Variants in VAT1L observed in about 807,000 individuals in gnomAD.
VAT1L encodes vesicle amine transport 1 like.
In VAT1L, 34 loss-of-function variants were observed where a neutral mutation model predicts 44.1. That is an observed-to-expected ratio of 0.77 (90% confidence interval 0.59 to 1.03). The LOEUF is 1.03. VAT1L is among the 50% of genes least tolerant of loss of function. The pLI, the probability that VAT1L is intolerant of heterozygous loss-of-function variation, is 0.00. For missense variants in VAT1L, 615 were observed against 538.8 expected (o/e 1.14, Z -1.40); for synonymous variants, 253 against 202.2 (o/e 1.25, Z -2.13).
intron 1 of VAT1L, among the ~76,000 whole-genome samples, chr16:77,793,102 A>C (rs568714969): frequency 6.6e-6 from 1 of 152,256 alleles, no homozygotes; most frequent in Non-Finnish European, 1.5e-5. Flanking sequence ...TATATAGTTT[A>C]TTATTCAAAC....
chr16:77,811,674 A>G (rs916185719), intron 1 of VAT1L, among the ~76,000 whole-genome samples: 2 of 152,212 alleles, frequency 1.3e-5, no homozygotes, highest in African/African-American at 4.8e-5. Context: ...TAGCAGTATC[A>G]TCACGGGAGC....
chr16:77,837,058 C>T (rs1240342142), intron 3 of VAT1L, among the ~76,000 whole-genome samples: 1 of 152,128 alleles, frequency 6.6e-6, no homozygotes, highest in Non-Finnish European at 1.5e-5. Flanking sequence ...GGCATGTGCA[C>T]TCTCTTTGAA....
At chr16:77,860,961 CCTTA>C (rs2016909066) in intron 3 of VAT1L, among the ~76,000 whole-genome samples, 1 of 152,156 alleles carries the variant, frequency 6.6e-6, no homozygotes, top group Non-Finnish European at 1.5e-5. Flanking sequence ...AACCAGGAGA[CCTTA>C]CTTTGAATCC....
intron 7 of VAT1L, among the ~76,000 whole-genome samples, chr16:77,942,559 C>A (rs944720745): frequency 2.6e-5 from 4 of 152,156 alleles, no homozygotes; most frequent in African/African-American, 9.7e-5. Context: ...GAAATTGCCA[C>A]ACTGCCTTTG....
At chr16:77,916,633 A>G (rs1294565883) in intron 7 of VAT1L, among the ~76,000 whole-genome samples, 1 of 152,184 alleles carries the variant, frequency 6.6e-6, no homozygotes, top group Non-Finnish European at 1.5e-5. Flanking sequence ...CGTTAAAAAT[A>G]TACATAAGAG....
chr16:77,918,942 C>CTG (rs2017581182), intron 7 of VAT1L, among the ~76,000 whole-genome samples: 1 of 152,096 alleles, frequency 6.6e-6, no homozygotes, highest in Non-Finnish European at 1.5e-5. Flanking sequence ...TTAAGTTGCT[C>CTG]AGGAAGCAGG....
At chr16:77,885,712 G>A (rs1464242826) in intron 7 of VAT1L, among the ~76,000 whole-genome samples, 2 of 151,956 alleles carry the variant, frequency 1.3e-5, no homozygotes, top group African/African-American at 4.8e-5. Flanking sequence ...ACTTTTGCAA[G>A]TCACAAATAC....
intron 5 of VAT1L, 21 bp downstream of exon 5, chr16:77,876,494 G>A: frequency 1.2e-6 from 2 of 1,608,976 alleles, no homozygotes; most frequent in African/African-American, 2.7e-5. Flanking sequence ...AACAGCAGCA[G>A]GGACGTGGTC....
chr16:77,808,517 C>T (rs941184672), intron 1 of VAT1L, among the ~76,000 whole-genome samples: 2 of 152,118 alleles, frequency 1.3e-5, no homozygotes, highest in Admixed American at 1.3e-4. Context: ...TTAAACTGGT[C>T]CCTGGTGCCA....
chr16:77,873,802 G>A (rs531841310), intron 4 of VAT1L, among the ~76,000 whole-genome samples: 57 of 152,294 alleles, frequency 3.7e-4, no homozygotes, highest in Middle Eastern at 6.8e-3. Context: ...CCAGCTCTAA[G>A]GAGAGCAGGG....
At chr16:77,789,198 G>C (rs1322512220) in intron 1 of VAT1L, among the ~76,000 whole-genome samples, 2 of 152,152 alleles carry the variant, frequency 1.3e-5, no homozygotes, top group Non-Finnish European at 2.9e-5. Context: ...ATTGCGCTAC[G>C]GGAGTTCTCC....
At chr16:77,829,692 T>G (rs985150165) in intron 3 of VAT1L, among the ~76,000 whole-genome samples, 2 of 152,240 alleles carry the variant, frequency 1.3e-5, no homozygotes, top group African/African-American at 2.4e-5. Flanking sequence ...GAGACTCATG[T>G]TGGGCCTCGA....
intron 7 of VAT1L, among the ~76,000 whole-genome samples, chr16:77,948,042 G>A (rs1332137187): frequency 2.0e-5 from 3 of 152,160 alleles, no homozygotes; most frequent in Non-Finnish European, 4.4e-5. Context: ...TTACAGGTGT[G>A]TACCACCGCG....
At chr16:77,936,212 T>A (rs1315869279) in intron 7 of VAT1L, among the ~76,000 whole-genome samples, 2 of 152,166 alleles carry the variant, frequency 1.3e-5, no homozygotes, top group Non-Finnish European at 2.9e-5. Flanking sequence ...CTGGTTATGT[T>A]ACTATACTGA....
At chr16:77,926,511 G>A (rs899490058) in intron 7 of VAT1L, among the ~76,000 whole-genome samples, 2 of 152,026 alleles carry the variant, frequency 1.3e-5, no homozygotes, top group Non-Finnish European at 2.9e-5. Context: ...TTGAACCTGG[G>A]AGGCAGAGGT....
chr16:77,949,522 G>A (rs995439079), intron 7 of VAT1L, among the ~76,000 whole-genome samples: 1 of 152,204 alleles, frequency 6.6e-6, no homozygotes, highest in African/African-American at 2.4e-5. Context: ...TCATAGGAGT[G>A]GATTCCACAT....
chr16:77,975,185 G>A (rs1055642656), intron 8 of VAT1L, among the ~76,000 whole-genome samples: 2 of 108,442 alleles, frequency 1.8e-5, no homozygotes, highest in Non-Finnish European at 3.7e-5. Context: ...TCTCCTACTG[G>A]AATGACCACT....
chr16:77,788,984 GC>G, intron 1 of VAT1L, 69 bp downstream of exon 1: 1 of 1,422,446 alleles, frequency 7.0e-7, no homozygotes, highest in East Asian at 2.7e-5. Context: ...GGGTGGGAAA[GC>G]TGCGGCTGGG....
chr16:77,973,172 G>A (rs531414274), intron 8 of VAT1L, among the ~76,000 whole-genome samples: 1 of 152,198 alleles, frequency 6.6e-6, no homozygotes, highest in Non-Finnish European at 1.5e-5. Context: ...CCCTGTTTAT[G>A]ACCTGGGCAA....
Sources: gnomAD v4.1 joint callset for allele counts (sites outside exome capture counted in the v4.1 genomes callset) on GRCh38, gnomAD v4.1.1 for gene constraint, MANE v1.5 for transcripts, NCBI Gene and HGNC (gene_info 2026-07-23, HGNC 2026-07-21) for gene names.